PUM2: variants seen among roughly 807,000 people sequenced by gnomAD.
PUM2 encodes the protein pumilio RNA binding family member 2.
PUM2 carries 57 observed loss-of-function variants against 124.5 expected under a neutral mutation model. The observed-to-expected ratio is 0.46, with a 90% CI of 0.37 to 0.57. PUM2 has a LOEUF of 0.57. Among genes scored for constraint, PUM2 ranks in the 20% least tolerant of loss-of-function variants. The pLI is 0.00. For missense variants in PUM2, 1,065 were observed against 1,290.6 expected (o/e 0.83, Z 2.68); for synonymous variants, 460 against 446.1 (o/e 1.03, Z -0.39).
intron 1 of PUM2, among the ~76,000 whole-genome samples, chr2:20,330,935 T>C (rs1009393531): frequency 6.6e-5 from 10 of 152,160 alleles, no homozygotes; most frequent in Admixed American, 5.2e-4. Flanking sequence ...ACTGGAGAAT[T>C]TGCTGCAGGA....
chr2:20,296,449 C>A (rs1030357600), intron 8 of PUM2, among the ~76,000 whole-genome samples: 2 of 151,070 alleles, frequency 1.3e-5, no homozygotes, highest in African/African-American at 4.9e-5. Context: ...GAGCCGAGAT[C>A]GTGCCACTGC....
intron 9 of PUM2, among the ~76,000 whole-genome samples, chr2:20,291,476 T>C (rs568603598): frequency 1.1e-4 from 17 of 152,236 alleles, no homozygotes; most frequent in Non-Finnish European, 1.8e-4. Flanking sequence ...CCTCTGTTCC[T>C]TGGCTACAGT....
Position 20,311,528 on chromosome 2 carries a change from G to A in PUM2, c.484C>T (p.Pro162Ser). 2 of 1,610,652 alleles carry A rather than the reference G, an allele frequency of 1.2e-6. No homozygotes were observed. The highest frequency in any genetic ancestry group is 1.7e-6 in the Non-Finnish European group (2 of 1,178,754). Residue 162 changes from proline (P) to serine (S), a missense_variant, in exon 5 of 21, where the codon CCA becomes TCA. Pro to Ser is a moderately conservative substitution (Grantham distance 74). This residue lies in a region of PUM2 where 968 missense variants were observed against 1,159.8 expected (regional missense o/e 0.83). Coordinates refer to ENST00000361078, the MANE Select transcript of PUM2 (RefSeq NM_015317.5). ...DDSKINGRGL[P>S]NGMDADCKDF... ...TTGCAATCGGCATCCATTCCATTTG[G>A]CAAACCTCTGCCATTTATTTTAGAA...
intron 1 of PUM2, among the ~76,000 whole-genome samples, chr2:20,331,465 C>T (rs1450259590): frequency 2.6e-5 from 4 of 152,220 alleles, no homozygotes; most frequent in Middle Eastern, 3.4e-3. Context: ...GACTGAGCTT[C>T]GGCCAGTAGC....
At chr2:20,274,768 C>T in intron 13 of PUM2, among the ~76,000 whole-genome samples, 1 of 151,198 alleles carries the variant, frequency 6.6e-6, no homozygotes. Flanking sequence ...TGCTTTATAC[C>T]TAGTAAGTTC....
chr2:20,297,874 G>A (rs928446425), intron 7 of PUM2, among the ~76,000 whole-genome samples, 196 bp from the exon 8 acceptor site: 1 of 152,114 alleles, frequency 6.6e-6, no homozygotes, highest in Non-Finnish European at 1.5e-5. Context: ...AGAAACAGCT[G>A]TTTTGCAGAA....
intron 20 of PUM2, 120 bp from the exon 21 acceptor site, chr2:20,251,836 C>T: frequency 1.6e-6 from 2 of 1,240,028 alleles, no homozygotes; most frequent in South Asian, 1.5e-5. Context: ...AATTTAAATC[C>T]AAAGAAAGCT....
chr2:20,271,059 C>T (rs62123443), intron 13 of PUM2, among the ~76,000 whole-genome samples: 5,296 of 151,844 alleles, frequency 0.035, 87 homozygotes, highest in Middle Eastern at 0.068. Flanking sequence ...CTGTATTTAC[C>T]ACAAAGCTAC....
intron 5 of PUM2, among the ~76,000 whole-genome samples, chr2:20,310,633 G>T (rs1679385205): frequency 6.6e-6 from 1 of 150,760 alleles, no homozygotes; most frequent in African/African-American, 2.4e-5. Flanking sequence ...AGATAGAAAT[G>T]GCACTGTTTT....
chr2:20,304,718 C>G (rs1021803086), intron 7 of PUM2, among the ~76,000 whole-genome samples: 2 of 152,090 alleles, frequency 1.3e-5, no homozygotes, highest in South Asian at 2.1e-4. Flanking sequence ...AGTTTGAGAT[C>G]AGCTATATTC....
intron 3 of PUM2, among the ~76,000 whole-genome samples, chr2:20,316,819 G>A (rs554825028): frequency 8.3e-4 from 127 of 152,098 alleles, no homozygotes; most frequent in Non-Finnish European, 1.5e-3. Context: ...ATCACCTGAG[G>A]TAAGATTTCG....
chr2:20,289,354 C>G (rs1673472385), intron 10 of PUM2, among the ~76,000 whole-genome samples: 1 of 152,050 alleles, frequency 6.6e-6, no homozygotes, highest in Non-Finnish European at 1.5e-5. Flanking sequence ...TAGCTAAAAC[C>G]TAAGAAGAAC....
At chr2:20,298,744 G>A (rs998608242) in intron 7 of PUM2, among the ~76,000 whole-genome samples, 5 of 152,074 alleles carry the variant, frequency 3.3e-5, no homozygotes, top group Admixed American at 2.0e-4. Flanking sequence ...GGTGGCAAAC[G>A]CTGGTAATCC....
At position 20,254,955 on chromosome 2, in the gene PUM2, A is replaced by C; in HGVS notation, c.2778T>G (p.His926Gln). The C allele has an allele frequency of 6.2e-7, 1 of 1,613,718 alleles. No homozygotes were observed. Among genetic ancestry groups the C allele is most frequent in the Non-Finnish European group, 8.5e-7 (1 of 1,179,700 alleles). The change falls in exon 19 of 21, where the codon CAT becomes CAG. Residue 926 changes from histidine (H) to glutamine (Q), a missense_variant. Physicochemically the swap from His to Gln is conservative, Grantham distance 24. Coordinates refer to ENST00000361078, the MANE Select transcript of PUM2 (RefSeq NM_015317.5). ...CTTCAGGTCGACCGTGTTCCAGTAC[A>C]TGCTGAATAACATAATTGCCATACT... is the stretch of plus-strand genomic sequence containing the variant. Reference protein sequence around the residue: ...QDQYGNYVIQHVLEHGRPEDK... With the variant: ...QDQYGNYVIQQVLEHGRPEDK...
At chr2:20,270,508 G>A (rs1448065128) in intron 13 of PUM2, among the ~76,000 whole-genome samples, 1 of 151,922 alleles carries the variant, frequency 6.6e-6, no homozygotes, top group Non-Finnish European at 1.5e-5. Flanking sequence ...TCATTGTGGT[G>A]GTGGGAAGAG....
At position 20,296,292 on chromosome 2, in the gene PUM2, G is replaced by A. The variant is rs187456083; in HGVS notation, c.1009+1261C>T. On this transcript the variant is annotated intron_variant, in intron 8 of 20. Coordinates refer to ENST00000361078, the MANE Select transcript of PUM2 (RefSeq NM_015317.5). Reference sequence around the variant, plus strand: ...AGGCGGATCACAAGGTCAGGAGATGGAGACCATCCTGGCTAACACAGTGAA... The same window carrying A: ...AGGCGGATCACAAGGTCAGGAGATGAAGACCATCCTGGCTAACACAGTGAA... Among the ~76,000 whole-genome samples, 885 of 152,268 alleles carry A rather than the reference G, an allele frequency of 5.8e-3. 8 individuals are homozygous for A. The highest frequency in any genetic ancestry group is 0.02 in the African/African-American group (839 of 41,560).
At chr2:20,324,823 G>A (rs1256323583) in intron 2 of PUM2, among the ~76,000 whole-genome samples, 5 of 151,900 alleles carry the variant, frequency 3.3e-5, no homozygotes, top group African/African-American at 1.2e-4. Context: ...AGTCCTACAT[G>A]TAGATGTAAC....
At chr2:20,343,680 T>C (rs1161594552) in intron 1 of PUM2, among the ~76,000 whole-genome samples, 5 of 152,160 alleles carry the variant, frequency 3.3e-5, no homozygotes, top group African/African-American at 4.8e-5. Flanking sequence ...GACAGGAGGA[T>C]TGCTTTAGTC....
At chr2:20,258,955 C>A (rs781017811) in intron 15 of PUM2, among the ~76,000 whole-genome samples, 120 of 152,036 alleles carry the variant, frequency 7.9e-4, no homozygotes, top group Non-Finnish European at 1.3e-3. Flanking sequence ...GCGTGAGCCA[C>A]CGCGCCCGGC....
Sources: allele counts gnomAD v4.1 joint callset (sites outside exome capture counted in the v4.1 genomes callset), GRCh38; gene constraint gnomAD v4.1.1; regional missense constraint gnomAD v4.1.1; transcripts MANE v1.5; gene names NCBI Gene and HGNC (gene_info 2026-07-23, HGNC 2026-07-21).